Variants in KLHL32 observed in about 807,000 individuals in gnomAD.
KLHL32 encodes kelch-like protein 32.
In KLHL32, 35 loss-of-function variants were observed where a neutral mutation model predicts 64.8. That is an observed-to-expected ratio of 0.54 (90% CI 0.41 to 0.72). The LOEUF (loss-of-function observed/expected upper bound fraction) is 0.72, where lower values mean the gene tolerates loss of function less well. KLHL32 is among the 30% of genes least tolerant of loss of function. The pLI, the probability that KLHL32 is intolerant of heterozygous loss-of-function variation, is 0.00. For synonymous variants in KLHL32, 259 were observed against 281.0 expected, an observed-to-expected ratio of 0.92 and a Z score of 0.78; for missense variants, 589 against 768.5, an observed-to-expected ratio of 0.77 and a Z score of 2.76.
intron 3 of KLHL32, among the ~76,000 whole-genome samples, chr6:96,984,699 G>T (rs1341319324): frequency 6.6e-6 from 1 of 152,096 alleles, no homozygotes; most frequent in African/African-American, 2.4e-5. Flanking sequence ...TGCAACCCCT[G>T]CCTTTTTTTG....
intron 3 of KLHL32, among the ~76,000 whole-genome samples, chr6:96,990,428 T>C (rs1054184326): frequency 2.0e-5 from 3 of 152,196 alleles, no homozygotes; most frequent in Admixed American, 6.5e-5. Flanking sequence ...GGTAAGTTCT[T>C]GCTCAACCAC....
intron 3 of KLHL32, among the ~76,000 whole-genome samples, chr6:96,985,535 A>T (rs541599383): frequency 5.9e-5 from 9 of 152,146 alleles, no homozygotes; most frequent in South Asian, 4.2e-4. Context: ...TGGTCTTTTC[A>T]TATAGTCCCA....
chr6:97,056,257 C>A (rs1268664503), intron 4 of KLHL32, among the ~76,000 whole-genome samples: 1 of 152,050 alleles, frequency 6.6e-6, no homozygotes, highest in African/African-American at 2.4e-5. Flanking sequence ...AGGCGCCCGC[C>A]ACCACGCCCG....
chr6:97,052,135 G>A (rs1482379131), intron 4 of KLHL32, among the ~76,000 whole-genome samples: 1 of 152,180 alleles, frequency 6.6e-6, no homozygotes, highest in African/African-American at 2.4e-5. Flanking sequence ...AGAAGTTTGT[G>A]TTTAAAATCC....
intron 3 of KLHL32, among the ~76,000 whole-genome samples, chr6:97,012,733 G>A (rs980083995): frequency 2.6e-5 from 4 of 152,142 alleles, no homozygotes; most frequent in Non-Finnish European, 5.9e-5. Flanking sequence ...GTTGAGAAAC[G>A]TAATTCAGTC....
At chr6:96,999,817 G>A (rs1024525814) in intron 3 of KLHL32, among the ~76,000 whole-genome samples, 16 of 152,126 alleles carry the variant, frequency 1.1e-4, no homozygotes, top group African/African-American at 3.4e-4. Flanking sequence ...CCACATGCAC[G>A]TAATTCACCA....
intron 3 of KLHL32, among the ~76,000 whole-genome samples, chr6:97,008,634 A>G (rs562797116): frequency 1.3e-5 from 2 of 152,104 alleles, no homozygotes; most frequent in South Asian, 4.1e-4. Context: ...TCTCCTGCTG[A>G]TAGGATTCTG....
upstream of KLHL32, among the ~76,000 whole-genome samples, chr6:96,923,017 C>T (rs1210412632): frequency 3.9e-5 from 6 of 152,164 alleles, no homozygotes; most frequent in Non-Finnish European, 8.8e-5. Flanking sequence ...ATGTGGCAGA[C>T]ATTGTGCTAG....
At chr6:96,996,139 G>A (rs543250152) in intron 3 of KLHL32, among the ~76,000 whole-genome samples, 3 of 152,346 alleles carry the variant, frequency 2.0e-5, no homozygotes, top group Admixed American at 2.0e-4. Context: ...TGTAGGTTCT[G>A]GAAGCTGTTG....
At chr6:97,030,593 G>A (rs981302808) in intron 3 of KLHL32, among the ~76,000 whole-genome samples, 8 of 152,204 alleles carry the variant, frequency 5.3e-5, no homozygotes, top group African/African-American at 1.9e-4. Flanking sequence ...TGTGAACCAA[G>A]CATGAGTCTG....
At chr6:96,972,819 T>G (rs1390033866) in intron 2 of KLHL32, among the ~76,000 whole-genome samples, 1 of 152,192 alleles carries the variant, frequency 6.6e-6, no homozygotes, top group African/African-American at 2.4e-5. Context: ...CCATTTTAAT[T>G]TAGACATAGT....
chr6:97,106,203 C>T (rs1796385972), intron 6 of KLHL32, among the ~76,000 whole-genome samples: 1 of 152,016 alleles, frequency 6.6e-6, no homozygotes, highest in African/African-American at 2.4e-5. Flanking sequence ...AGGAATATAA[C>T]TTTTTTCATA....
intron 6 of KLHL32, 50 bp downstream of exon 6, chr6:97,085,391 A>G (rs2128179502): frequency 6.6e-7 from 1 of 1,507,690 alleles, no homozygotes; most frequent in East Asian, 2.3e-5. Flanking sequence ...GCATGCCGTG[A>G]TTGGAAGTTA....
At chr6:97,075,149 C>T (rs892909779) in intron 5 of KLHL32, among the ~76,000 whole-genome samples, 3 of 152,092 alleles carry the variant, frequency 2.0e-5, no homozygotes, top group African/African-American at 7.2e-5. Flanking sequence ...TGTAGAATTC[C>T]TCTGTTACAC....
chr6:96,917,952 T>C, the KLHL32 span, among the ~76,000 whole-genome samples: 4 of 152,148 alleles, frequency 2.6e-5, no homozygotes, highest in African/African-American at 4.8e-5. Flanking sequence ...GTTCCGTACA[T>C]TGTAGGATGT....
chr6:96,938,646 G>A (rs532522598), intron 1 of KLHL32, among the ~76,000 whole-genome samples: 2 of 152,284 alleles, frequency 1.3e-5, no homozygotes, highest in East Asian at 3.9e-4. Context: ...AGCAGCAGCA[G>A]CAGCAGGGGA....
At chr6:96,955,057 G>C (rs1562189162) in intron 1 of KLHL32, among the ~76,000 whole-genome samples, 1 of 152,208 alleles carries the variant, frequency 6.6e-6, no homozygotes, top group Non-Finnish European at 1.5e-5. Context: ...AAACGAGAGA[G>C]GAAGCAAGCT....
intron 4 of KLHL32, among the ~76,000 whole-genome samples, chr6:97,048,860 G>A (rs1478497535): frequency 2.0e-5 from 3 of 152,172 alleles, no homozygotes; most frequent in Non-Finnish European, 4.4e-5. Flanking sequence ...AGCACATGGA[G>A]CAAACATGGG....
intron 3 of KLHL32, among the ~76,000 whole-genome samples, chr6:97,025,760 G>A (rs564350075): frequency 1.3e-5 from 2 of 152,258 alleles, no homozygotes; most frequent in African/African-American, 2.4e-5. Flanking sequence ...CAGCTTTATC[G>A]CCTTGAACCG....
Sources: allele counts gnomAD v4.1 joint callset (sites outside exome capture counted in the v4.1 genomes callset), GRCh38; gene constraint gnomAD v4.1.1; transcripts MANE v1.5; gene names NCBI Gene and HGNC (gene_info 2026-07-23, HGNC 2026-07-21).